The following SBF2 variants were observed in gnomAD, a reference collection of about 807,000 sequenced individuals.
SBF2 encodes the protein SET binding factor 2, also known as myotubularin-related protein 13.
SBF2 carries 112 observed loss-of-function variants against 225.2 expected under a neutral mutation model. The ratio of observed to expected loss-of-function variants is 0.50; its 90% confidence interval spans 0.43 to 0.58. SBF2 has a LOEUF of 0.58. Among genes scored for constraint, SBF2 ranks in the 20% least tolerant of loss-of-function variants. The pLI, the probability that SBF2 is intolerant of heterozygous loss-of-function variation, is 0.00. For synonymous variants in SBF2, 763 were observed against 773.3 expected, an observed-to-expected ratio of 0.99 and a Z score of 0.22; for missense variants, 1,996 against 2,206.2, an observed-to-expected ratio of 0.90 and a Z score of 1.91.
intron 16 of SBF2, among the ~76,000 whole-genome samples, chr11:9,903,912 G>T (rs1861924881): frequency 6.6e-6 from 1 of 152,028 alleles, no homozygotes; most frequent in Non-Finnish European, 1.5e-5. Flanking sequence ...GCTTCTCCCT[G>T]GTGCCTGCAT....
At chr11:10,003,164 C>T (rs1014415712) in intron 6 of SBF2, among the ~76,000 whole-genome samples, 2 of 152,126 alleles carry the variant, frequency 1.3e-5, no homozygotes, top group African/African-American at 2.4e-5. Context: ...GATAGGGTTA[C>T]GTCCTAATAA....
Position 9,839,700 on chromosome 11 carries a change from T to C in SBF2, c.3257-4A>G, listed in dbSNP as rs2935259. On this transcript the variant is annotated splice_region_variant and splice_polypyrimidine_tract_variant and intron_variant, in intron 25 of 39. Coordinates refer to ENST00000256190, the MANE Select transcript of SBF2 (RefSeq NM_030962.4). ...GGGAGCTCACTCTCATCTGAAACTG[T>C]GATGGTAGAGACAGATATCGAAGAA... 1 of 1,609,670 alleles carries C rather than the reference T, an allele frequency of 6.2e-7. No homozygotes were observed. The highest frequency in any genetic ancestry group is 1.3e-5 in the African/African-American group (1 of 74,680).
chr11:10,132,558 G>A (rs1312071072), intron 2 of SBF2, among the ~76,000 whole-genome samples: 2 of 148,062 alleles, frequency 1.4e-5, no homozygotes, highest in Non-Finnish European at 3.0e-5. Flanking sequence ...GGAGTTGTTC[G>A]TTCCTCCCGG....
intron 1 of SBF2, among the ~76,000 whole-genome samples, chr11:10,236,768 CT>C (rs906180118): frequency 6.6e-6 from 1 of 152,112 alleles, no homozygotes; most frequent in Non-Finnish European, 1.5e-5. Context: ...AGACTCGAGT[CT>C]GTCTCTTAAA....
At chr11:9,923,575 T>G (rs902734656) in intron 16 of SBF2, among the ~76,000 whole-genome samples, 6 of 152,252 alleles carry the variant, frequency 3.9e-5, no homozygotes, top group African/African-American at 1.2e-4. Context: ...AATGAAAAGC[T>G]ATTTACAATG....
intron 1 of SBF2, among the ~76,000 whole-genome samples, chr11:10,215,993 G>A (rs1381408525): frequency 6.6e-6 from 1 of 152,102 alleles, no homozygotes; most frequent in African/African-American, 2.4e-5. Flanking sequence ...TCCCTTCTGT[G>A]GACATTCTCC....
intron 18 of SBF2, 77 bp downstream of exon 18, chr11:9,858,149 T>C: frequency 6.4e-7 from 1 of 1,553,500 alleles, no homozygotes; most frequent in Non-Finnish European, 8.9e-7. Flanking sequence ...AGAGTTTTTT[T>C]TGCCCTGGGA....
chr11:9,984,495 G>A (rs1947105804), intron 13 of SBF2, among the ~76,000 whole-genome samples: 1 of 152,132 alleles, frequency 6.6e-6, no homozygotes, highest in Admixed American at 6.5e-5. Flanking sequence ...CTAAAAGCCT[G>A]GAAAACATAT....
intron 3 of SBF2, among the ~76,000 whole-genome samples, chr11:10,040,576 G>C (rs1054644014): frequency 6.6e-6 from 1 of 151,906 alleles, no homozygotes; most frequent in Non-Finnish European, 1.5e-5. Flanking sequence ...AAAGGGATGG[G>C]GGGGTGCTAT....
At chr11:10,166,208 G>T (rs952134409) in intron 2 of SBF2, among the ~76,000 whole-genome samples, 3 of 152,112 alleles carry the variant, frequency 2.0e-5, no homozygotes, top group Non-Finnish European at 4.4e-5. Context: ...CTTGACAAGG[G>T]TATTGTATAC....
At chr11:10,035,011 T>G (rs1360167507) in intron 3 of SBF2, among the ~76,000 whole-genome samples, 1 of 152,146 alleles carries the variant, frequency 6.6e-6, no homozygotes, top group African/African-American at 2.4e-5. Context: ...AAACTAGGCC[T>G]CTAGTCTTCA....
chr11:9,928,326 T>C (rs1256468641), intron 16 of SBF2, among the ~76,000 whole-genome samples: 2 of 152,068 alleles, frequency 1.3e-5, no homozygotes, highest in Non-Finnish European at 1.5e-5. Context: ...GATATATAGA[T>C]GGTAAATAAG....
chr11:9,843,774 T>C (rs1343426194), intron 24 of SBF2: 4 of 152,266 alleles, frequency 2.6e-5, no homozygotes, highest in African/African-American at 7.2e-5. Context: ...TTAAACTTAT[T>C]GTAAATCACT....
At chr11:9,814,843 T>C (rs1314734976) in intron 29 of SBF2, among the ~76,000 whole-genome samples, 1 of 152,164 alleles carries the variant, frequency 6.6e-6, no homozygotes, top group East Asian at 1.9e-4. Flanking sequence ...CTCCATTAGG[T>C]TGTAAGGAAT....
intron 2 of SBF2, among the ~76,000 whole-genome samples, chr11:10,177,086 A>G (rs1251977700): frequency 1.3e-5 from 2 of 151,998 alleles, no homozygotes; most frequent in African/African-American, 4.8e-5. Flanking sequence ...ACCAAAGACA[A>G]AAACCACATG....
chr11:10,058,073 G>T (rs534913945), intron 2 of SBF2, among the ~76,000 whole-genome samples: 10 of 152,296 alleles, frequency 6.6e-5, no homozygotes, highest in African/African-American at 2.2e-4. Flanking sequence ...AGAACAGTGC[G>T]AGAACTCTGT....
At chr11:9,925,434 C>T (rs1316476840) in intron 16 of SBF2, among the ~76,000 whole-genome samples, 7 of 152,162 alleles carry the variant, frequency 4.6e-5, no homozygotes, top group South Asian at 2.1e-4. Context: ...TGCGCCACCA[C>T]GCCCGACTAA....
At chr11:9,793,213 C>T (rs1852872705) in intron 33 of SBF2, among the ~76,000 whole-genome samples, 1 of 152,062 alleles carries the variant, frequency 6.6e-6, no homozygotes, top group African/African-American at 2.4e-5. Context: ...TTTTCAACAG[C>T]CCTGTGTGAT....
At chr11:9,834,172 A>C (rs1460494953) in intron 26 of SBF2, among the ~76,000 whole-genome samples, 1 of 149,710 alleles carries the variant, frequency 6.7e-6, no homozygotes, top group Non-Finnish European at 1.5e-5. Context: ...GGCTCACTGC[A>C]ACCTTCGCCT....
Sources: gnomAD v4.1 joint callset for allele counts (sites outside exome capture counted in the v4.1 genomes callset) on GRCh38, gnomAD v4.1.1 for gene constraint, MANE v1.5 for transcripts, NCBI Gene and HGNC (gene_info 2026-07-23, HGNC 2026-07-21) for gene names.